The following GDAP2 variants were observed in gnomAD, a reference collection of about 807,000 sequenced individuals.
GDAP2 encodes ganglioside-induced differentiation-associated protein 2.
In GDAP2, 51 loss-of-function variants were observed where a neutral mutation model predicts 67.0. That is an observed-to-expected ratio of 0.76 (90% CI 0.61 to 0.96). The LOEUF (loss-of-function observed/expected upper bound fraction) is 0.96, where lower values mean the gene tolerates loss of function less well. Ranked by LOEUF, GDAP2 falls within the 40% of genes least tolerant of loss-of-function variation. The pLI is 0.00. For synonymous variants in GDAP2, 203 were observed against 207.3 expected (o/e 0.98, Z 0.18); for missense variants, 547 against 588.3 (o/e 0.93, Z 0.73).
At chr1:117,905,846 TAATA>T (rs1160207645) in intron 6 of GDAP2, among the ~76,000 whole-genome samples, 15 of 152,278 alleles carry the variant, frequency 9.9e-5, no homozygotes, top group East Asian at 1.9e-4. Context: ...GATACTTCAC[TAATA>T]GATAGCTAAT....
chr1:117,923,590 G>C (rs1276548472), intron 1 of GDAP2, among the ~76,000 whole-genome samples: 1 of 152,040 alleles, frequency 6.6e-6, no homozygotes, highest in Non-Finnish European at 1.5e-5. Flanking sequence ...AGATGATCAG[G>C]GAAAGAAAGT....
At chr1:117,917,563 TC>T (rs1182096235) in intron 3 of GDAP2, among the ~76,000 whole-genome samples, 2 of 152,166 alleles carry the variant, frequency 1.3e-5, no homozygotes, top group Non-Finnish European at 2.9e-5. Context: ...ACTATTACCA[TC>T]CCCATTTTAG....
Position 117,912,044 on chromosome 1 carries a change from T to C in GDAP2, c.509A>G (p.Asn170Ser), listed in dbSNP as rs745396046. ...SMSSVGFCVI[N>S]SAKRGYPLED... ...TAAAGGATAACCACGTTTTGCAGAA[T>C]TGATGACACAGAAGCCAACAGAAGA... Residue 170 changes from asparagine (N) to serine (S), a missense_variant, in exon 5 of 14, where the codon AAT (asparagine) becomes AGT (serine). Physicochemically the swap from Asn to Ser is conservative, Grantham distance 46 (BLOSUM62 1). Transcript: ENST00000369443. 5.6e-6 allele frequency: 9 copies of C among 1,611,096 alleles called. No individual in the cohort carries two copies. Among genetic ancestry groups the C allele is most frequent in the African/African-American group, 4.0e-5 (3 of 74,850 alleles).
intron 10 of GDAP2, among the ~76,000 whole-genome samples, chr1:117,884,634 T>C (rs886744213): frequency 3.9e-5 from 6 of 152,120 alleles, no homozygotes; most frequent in African/African-American, 7.2e-5. Context: ...CAGGAAATGA[T>C]ACATCATGAA....
rs980026224 is a variant in GDAP2 at position 117,906,713 on chromosome 1, AC to A, written c.560-132del. The stretch of plus-strand genomic sequence containing the variant: ...TTCATTCAGCACTCTGCTTAGTAAT[AC>A]CCTATCAGTGAAGCCTGCCCATACT... On this transcript the variant is annotated intron_variant, in intron 5 of 13. Transcript: ENST00000369443. 5.2e-6 allele frequency: 3 copies of A among 582,416 alleles called. No homozygotes were observed. The African/African-American group carries it at 5.7e-5, about 11-fold the overall frequency. 36.1% of individuals were successfully genotyped at this position (582,416 alleles called of 1,614,324 possible). A position where few individuals can be genotyped will look rare whatever the true frequency, so the allele number is the denominator to read the frequency against.
chr1:117,891,398 A>C (rs935780152), intron 8 of GDAP2, among the ~76,000 whole-genome samples: 8 of 152,010 alleles, frequency 5.3e-5, no homozygotes, highest in Non-Finnish European at 2.9e-5. Context: ...TTCTATAAGA[A>C]GCATATGAGA....
intron 13 of GDAP2, among the ~76,000 whole-genome samples, chr1:117,874,654 A>G (rs1648394995): frequency 6.6e-6 from 1 of 152,248 alleles, no homozygotes; most frequent in African/African-American, 2.4e-5. Flanking sequence ...GGTAATGGGC[A>G]GAGGCTAGAA....
chr1:117,899,962 A>G (rs1247891053), intron 6 of GDAP2, among the ~76,000 whole-genome samples: 1 of 152,110 alleles, frequency 6.6e-6, no homozygotes, highest in Non-Finnish European at 1.5e-5. Context: ...TCAAGAAATC[A>G]TTTTCTTTCA....
intron 1 of GDAP2, among the ~76,000 whole-genome samples, chr1:117,926,675 T>C (rs1650456491): frequency 6.6e-6 from 1 of 152,180 alleles, no homozygotes; most frequent in South Asian, 2.1e-4. Flanking sequence ...ACCTGATCCC[T>C]GAGAGAACAG....
chr1:117,926,468 T>A (rs181990783), intron 1 of GDAP2, among the ~76,000 whole-genome samples: 42 of 152,352 alleles, frequency 2.8e-4, no homozygotes, highest in Admixed American at 2.4e-3. Context: ...ATAGCTCTTA[T>A]TGTAGGACAA....
rs944973255 is a variant in GDAP2 at position 117,865,497 on chromosome 1, A to T, written c.*5072T>A. On this transcript the variant is annotated 3_prime_UTR_variant, in exon 14 of 14. Coordinates refer to ENST00000369443, the MANE Select transcript of GDAP2 (RefSeq NM_017686.4). ...CCCAATACCAATTAAAATCATTTAT[A>T]TATGTTAAGCTCTTAAATATTTAGC... 6.6e-6 allele frequency: 1 copy of T among 152,208 alleles called. No individual in the cohort carries two copies. Among genetic ancestry groups the T allele is most frequent in the Admixed American group, 6.5e-5 (1 of 15,280 alleles). The allele number at this position is 152,208 out of a possible 1,614,324, so 9.4% of individuals were successfully genotyped here. A position where few individuals can be genotyped will look rare whatever the true frequency, so the allele number is the denominator to read the frequency against.
Position 117,914,794 on chromosome 1 carries a change from C to T in GDAP2, c.317-2111G>A, listed in dbSNP as rs138325716. Among the ~76,000 whole-genome samples, 343 of 152,164 alleles carry T rather than the reference C, an allele frequency of 2.3e-3. 1 individual carries two copies. The highest frequency in any genetic ancestry group is 4.8e-3 in the African/African-American group (198 of 41,522). On this transcript the variant is annotated intron_variant, in intron 3 of 13. Transcript: ENST00000369443. ...CTTCAAATTTCTAGAAAATGATTTCCAAACTAGAATTCTATTTCTAAGCAA... is the reference window on the plus strand; with the variant it reads ...CTTCAAATTTCTAGAAAATGATTTCTAAACTAGAATTCTATTTCTAAGCAA...
At position 117,887,072 on chromosome 1, in the gene GDAP2, G is replaced by A. The variant is rs151321618; in HGVS notation, c.1031-419C>T. On this transcript the variant is annotated intron_variant, in intron 9 of 13. Coordinates refer to ENST00000369443, the MANE Select transcript of GDAP2 (RefSeq NM_017686.4). ...GCCTCCAAAGCAGCTGGGACTACAG[G>A]CATGCACCACCACACCTGGCTAATT... Among the ~76,000 whole-genome samples the A allele has an allele frequency of 5.1e-3, 778 of 152,010 alleles. 4 individuals are homozygous for A. Among genetic ancestry groups the A allele is most frequent in the Admixed American group, 0.01 (156 of 15,260 alleles).
chr1:117,888,428 T>C (rs1014323080), intron 8 of GDAP2, among the ~76,000 whole-genome samples: 6 of 152,152 alleles, frequency 3.9e-5, no homozygotes, highest in Non-Finnish European at 8.8e-5. Flanking sequence ...ATGTTAAAGC[T>C]GGAAGAGACA....
chr1:117,899,945 A>G (rs539366278), intron 6 of GDAP2, among the ~76,000 whole-genome samples: 1 of 152,340 alleles, frequency 6.6e-6, no homozygotes, highest in East Asian at 1.9e-4. Context: ...TAGGACAATG[A>G]AATCATTCAA....
chr1:117,906,399 C>T (rs1031074335), intron 6 of GDAP2, 107 bp downstream of exon 6: 1 of 663,122 alleles, frequency 1.5e-6, no homozygotes, highest in Non-Finnish European at 2.7e-6. Context: ...ATACATAGAT[C>T]ATTAGGATTT....
chr1:117,891,036 G>T (rs899481224), intron 8 of GDAP2, among the ~76,000 whole-genome samples: 1 of 151,598 alleles, frequency 6.6e-6, no homozygotes, highest in Non-Finnish European at 1.5e-5. Flanking sequence ...TGTTCAACTG[G>T]TAAGTACGAT....
chr1:117,890,523 A>G (rs1258385368), intron 8 of GDAP2, among the ~76,000 whole-genome samples: 4 of 152,100 alleles, frequency 2.6e-5, no homozygotes, highest in Non-Finnish European at 4.4e-5. Context: ...AAACACTCGC[A>G]TAACTGGTAT....
In GDAP2 at chr1:117,918,585, A is replaced by G; in HGVS notation, c.316+12T>C. On this transcript the variant is annotated intron_variant, in intron 3 of 13. Transcript: ENST00000369443. ...TTTCTAAGCAATAATATATGAAAGA[A>G]AATTCACTCACCTTTAAGTTTCTGG... 1 of 1,591,014 alleles carries G rather than the reference A, an allele frequency of 6.3e-7. No individual in the cohort carries two copies.
Sources: gnomAD v4.1 joint callset for allele counts (sites outside exome capture counted in the v4.1 genomes callset) on GRCh38, gnomAD v4.1.1 for gene constraint, MANE v1.5 for transcripts, NCBI Gene and HGNC (gene_info 2026-07-23, HGNC 2026-07-21) for gene names.